MYRIP: variants seen among roughly 807,000 people sequenced by gnomAD.
MYRIP encodes the protein myosin VIIA and Rab interacting protein.
In MYRIP, 49 loss-of-function variants were observed where a neutral mutation model predicts 98.0. The ratio of observed to expected loss-of-function variants is 0.50; its 90% CI spans 0.40 to 0.63. The LOEUF is 0.63. MYRIP is among the 30% of genes least tolerant of loss of function. The pLI, the probability that MYRIP is intolerant of heterozygous loss-of-function variation, is 0.00. For missense variants in MYRIP, 1,004 were observed against 1,058.2 expected (o/e 0.95, Z 0.71); for synonymous variants, 404 against 409.5 (o/e 0.99, Z 0.16).
At chr3:40,123,777 A>C (rs1471599729) in intron 3 of MYRIP, among the ~76,000 whole-genome samples, 1 of 152,200 alleles carries the variant, frequency 6.6e-6, no homozygotes, top group Admixed American at 6.5e-5. Context: ...CAGCTCATCC[A>C]AGGGGAATCC....
intron 1 of MYRIP, among the ~76,000 whole-genome samples, chr3:39,835,851 T>C (rs1025843868): frequency 3.3e-5 from 5 of 152,212 alleles, no homozygotes; most frequent in African/African-American, 1.2e-4. Flanking sequence ...GTGATTGATT[T>C]TCTGTTCCTG....
chr3:40,202,496 C>T (rs775476307), intron 10 of MYRIP, among the ~76,000 whole-genome samples: 5 of 152,140 alleles, frequency 3.3e-5, no homozygotes, highest in Non-Finnish European at 5.9e-5. Context: ...TATTCATCTC[C>T]AGAAAGAATT....
At chr3:40,154,039 C>A (rs1326780228) in intron 4 of MYRIP, among the ~76,000 whole-genome samples, 1 of 151,880 alleles carries the variant, frequency 6.6e-6, no homozygotes, top group East Asian at 1.9e-4. Flanking sequence ...ACTTGGGAGG[C>A]TGAGGCAGAG....
At chr3:39,973,375 A>G (rs1401958614) in intron 2 of MYRIP, among the ~76,000 whole-genome samples, 1 of 152,196 alleles carries the variant, frequency 6.6e-6, no homozygotes, top group Non-Finnish European at 1.5e-5. Context: ...ATATGCACCC[A>G]ATACAGGAGC....
At chr3:39,840,821 G>A (rs1307558407) in intron 1 of MYRIP, among the ~76,000 whole-genome samples, 5 of 152,316 alleles carry the variant, frequency 3.3e-5, no homozygotes, top group African/African-American at 4.8e-5. Flanking sequence ...GGTTTCTGCA[G>A]AGAGATCTGC....
chr3:40,187,460 A>G (rs1214705560), intron 9 of MYRIP, among the ~76,000 whole-genome samples: 1 of 152,222 alleles, frequency 6.6e-6, no homozygotes, highest in Non-Finnish European at 1.5e-5. Flanking sequence ...TTCCTCCCTG[A>G]GCAGGCATGT....
rs551793419 is a variant in MYRIP, at chr3:40,118,420, G to C, written c.333-32628G>C. Among the ~76,000 whole-genome samples, 10 of 152,224 alleles carry C rather than the reference G, an allele frequency of 6.6e-5. No homozygotes were observed. The South Asian group carries it at 2.1e-3, about 32-fold the overall frequency. On this transcript the variant is annotated intron_variant, in intron 3 of 16. Coordinates refer to ENST00000302541, the MANE Select transcript of MYRIP (RefSeq NM_015460.4). Reference sequence around the variant, plus strand: ...AAAGATCATTCCCTGAAGCACTGACGTAATAGCAGATTAGGAAACAATCTA... The same window carrying C: ...AAAGATCATTCCCTGAAGCACTGACCTAATAGCAGATTAGGAAACAATCTA...
intron 4 of MYRIP, among the ~76,000 whole-genome samples, chr3:40,157,948 T>C (rs1378899348): frequency 3.3e-5 from 5 of 152,234 alleles, no homozygotes; most frequent in Admixed American, 6.5e-5. Flanking sequence ...AAAAACCAGC[T>C]CCTGGATTCA....
chr3:39,926,927 C>T (rs1409964253), intron 2 of MYRIP, among the ~76,000 whole-genome samples: 3 of 152,002 alleles, frequency 2.0e-5, no homozygotes, highest in Non-Finnish European at 4.4e-5. Context: ...ACAGTATGGC[C>T]ATTTTAACAA....
rs752182513 is a variant in MYRIP at position 39,900,935 on chromosome 3, C to A, written c.110+9C>A. The A allele has an allele frequency of 5.6e-6, 9 of 1,603,462 alleles. No homozygotes were observed. The highest frequency in any genetic ancestry group is 1.3e-5 in the African/African-American group (1 of 74,732). ...GAAGAAGAACGACTAAGGTGAGATG[C>A]CTGTTTTGCTCAGCAGCGTACAGCA... On this transcript the variant is annotated intron_variant, in intron 2 of 16. Transcript: ENST00000302541.
At chr3:40,121,907 T>G (rs1342595996) in intron 3 of MYRIP, among the ~76,000 whole-genome samples, 1 of 152,228 alleles carries the variant, frequency 6.6e-6, no homozygotes, top group Non-Finnish European at 1.5e-5. Context: ...CAATAGTATA[T>G]GTTTGTATGT....
intron 13 of MYRIP, among the ~76,000 whole-genome samples, chr3:40,246,903 G>A (rs934961835): frequency 6.6e-6 from 1 of 152,204 alleles, no homozygotes; most frequent in Non-Finnish European, 1.5e-5. Context: ...AACTAGAAAT[G>A]AGCTTATCAG....
At chr3:40,059,028 G>A (rs1257024830) in intron 3 of MYRIP, among the ~76,000 whole-genome samples, 1 of 148,968 alleles carries the variant, frequency 6.7e-6, no homozygotes, top group Non-Finnish European at 1.5e-5. Context: ...GTGAGAACAT[G>A]TAGTGTTTGG....
chr3:39,943,139 T>C (rs995457510), intron 2 of MYRIP, among the ~76,000 whole-genome samples: 5 of 152,150 alleles, frequency 3.3e-5, no homozygotes, highest in Non-Finnish European at 7.4e-5. Flanking sequence ...TGAAGTGATC[T>C]TAATGATCTA....
At chr3:39,837,928 T>C (rs1575289962) in intron 1 of MYRIP, among the ~76,000 whole-genome samples, 1 of 152,230 alleles carries the variant, frequency 6.6e-6, no homozygotes, top group East Asian at 1.9e-4. Context: ...AAGAGGTCCT[T>C]CGCATCCCTT....
chr3:40,054,636 A>G (rs1360862091), intron 3 of MYRIP, among the ~76,000 whole-genome samples: 6 of 152,202 alleles, frequency 3.9e-5, no homozygotes, highest in Non-Finnish European at 5.9e-5. Context: ...GAATTCTTCC[A>G]GCAGTCTGCC....
At chr3:40,169,784 A>G (rs764526114) in intron 7 of MYRIP, among the ~76,000 whole-genome samples, 166 bp from the exon 8 acceptor site, 22 of 152,258 alleles carry the variant, frequency 1.4e-4, no homozygotes, top group Non-Finnish European at 3.1e-4. Context: ...GCTCAAGGCT[A>G]TAATTGTGCT....
At chr3:39,845,993 G>T (rs1023262193) in intron 1 of MYRIP, among the ~76,000 whole-genome samples, 1 of 152,064 alleles carries the variant, frequency 6.6e-6, no homozygotes, top group Non-Finnish European at 1.5e-5. Context: ...AATGATTCTA[G>T]AACTTGCAGA....
chr3:39,828,262 G>C (rs1941332340), intron 1 of MYRIP, among the ~76,000 whole-genome samples: 1 of 151,732 alleles, frequency 6.6e-6, no homozygotes, highest in South Asian at 2.1e-4. Flanking sequence ...AATTCTGTAG[G>C]CCTTCTCCAT....
Sources: gnomAD v4.1 joint callset for allele counts (sites outside exome capture counted in the v4.1 genomes callset) on GRCh38, gnomAD v4.1.1 for gene constraint, MANE v1.5 for transcripts, NCBI Gene and HGNC (gene_info 2026-07-23, HGNC 2026-07-21) for gene names.